PLAGL1: variants seen among roughly 807,000 people sequenced by gnomAD.
The protein encoded by PLAGL1 is zinc finger protein PLAGL1.
In PLAGL1, 1 loss-of-function variant was observed where a neutral mutation model predicts 4.6. The ratio of observed to expected loss-of-function variants is 0.22; its 90% CI spans 0.08 to 1.03. PLAGL1 has a LOEUF of 1.03. Ranked by LOEUF, PLAGL1 falls within the 50% of genes least tolerant of loss-of-function variation. The pLI is 0.58. For missense variants in PLAGL1, 464 were observed against 570.4 expected (o/e 0.81, Z 1.90); for synonymous variants, 240 against 237.8 (o/e 1.01, Z -0.08).
rs566819692 is a variant in PLAGL1 at position 144,056,656 on chromosome 6, CTTTGTT to C, written c.-151+7806_-151+7811del. On this transcript the variant is annotated intron_variant, in intron 1 of 3. Coordinates refer to the PLAGL1 transcript ENST00000437412. This position sits in a 1 kb window ranked among gnomAD's most constrained non-coding sequence, Gnocchi z 4.7. ...CATGTCCTTTCATGGCTTGATAGCTCTTTGTTTTTGTTTTTGTTTTTTTAAATTTAG... is the reference window on the plus strand; with the variant it reads ...CATGTCCTTTCATGGCTTGATAGCTCTTTGTTTTTGTTTTTTTAAATTTAG... Among the ~76,000 whole-genome samples the C allele has an allele frequency of 7.1e-3, 1,085 of 152,040 alleles. 8 individuals are homozygous for C. Among genetic ancestry groups the C allele is most frequent in the African/African-American group, 0.023 (974 of 41,460 alleles).
intron 2 of PLAGL1, among the ~76,000 whole-genome samples, chr6:143,974,567 G>A (rs1381795910): frequency 6.6e-6 from 1 of 152,152 alleles, no homozygotes; most frequent in Non-Finnish European, 1.5e-5. Context: ...ACTCTCAACT[G>A]CACAGGAAAG....
rs535325430 is a variant in PLAGL1, at chr6:143,975,230, A to G, written c.-543-6252T>C. 6.6e-6 allele frequency among the ~76,000 whole-genome samples: 1 copy of G among 152,326 alleles called. No homozygotes were observed. The highest frequency in any genetic ancestry group is 2.1e-4 in the South Asian group (1 of 4,826). ...TCACTGGAGTTCTCTCACCAAGGTT[A>G]TATTAAATAAGTCATCCTAGTTTTT... On this transcript the variant is annotated intron_variant, in intron 2 of 7. Coordinates refer to ENST00000674357, the MANE Select transcript of PLAGL1 (RefSeq NM_001317162.2). The surrounding 1 kb of genome is among the most constrained non-coding windows in gnomAD (Gnocchi z 5.8).
intron 2 of PLAGL1, among the ~76,000 whole-genome samples, chr6:143,969,922 A>G (rs1299316233): frequency 6.6e-6 from 1 of 152,226 alleles, no homozygotes; most frequent in Non-Finnish European, 1.5e-5. Context: ...GAAACTGGAC[A>G]GCAAATGATG....
chr6:143,964,069 C>T lies in PLAGL1; in HGVS notation c.-399+718G>A, dbSNP rs1783925608. Among the ~76,000 whole-genome samples the T allele has an allele frequency of 6.6e-6, 1 of 152,112 alleles. No homozygotes were observed. The highest frequency in any genetic ancestry group is 6.5e-5 in the Admixed American group (1 of 15,274). On this transcript the variant is annotated intron_variant, in intron 5 of 7. Transcript: ENST00000674357. This position sits in a 1 kb window ranked among gnomAD's most constrained non-coding sequence, Gnocchi z 4.3. ...AGCTGCCAAAATGACACTCTCCCTT[C>T]CATCCCCCCATGGCCAACCCCCCAT... is the stretch of plus-strand genomic sequence containing the variant.
chr6:144,002,974 A>G (rs1793242460), intron 1 of PLAGL1, among the ~76,000 whole-genome samples: 3 of 151,910 alleles, frequency 2.0e-5, no homozygotes, highest in Admixed American at 2.0e-4. Flanking sequence ...CATTTGTTTA[A>G]AAGAACAAAA....
intron 1 of PLAGL1, among the ~76,000 whole-genome samples, chr6:144,003,124 T>C (rs145088448): frequency 4.6e-5 from 7 of 152,272 alleles, no homozygotes; most frequent in African/African-American, 1.7e-4. Context: ...TGACCATTCA[T>C]TTATTAACAA....
chr6:144,044,618 T>A (rs1797985012), intron 1 of PLAGL1, among the ~76,000 whole-genome samples: 2 of 152,218 alleles, frequency 1.3e-5, no homozygotes, highest in Admixed American at 1.3e-4. Flanking sequence ...TTGGAATAAG[T>A]GCAATGTGGT....
chr6:144,045,954 T>G (rs756387697), intron 1 of PLAGL1, among the ~76,000 whole-genome samples: 25 of 152,212 alleles, frequency 1.6e-4, no homozygotes, highest in Non-Finnish European at 2.9e-4. Flanking sequence ...ACTGATACCC[T>G]TTCTTCCACT....
rs1554263920 is a variant in PLAGL1 at position 143,985,982 on chromosome 6, T to TATATATATATATATATATATATA, written c.-583-809_-583-808insTATATATATATATATATATATAT. ...TATATCAAATTATATATATATAAAA[T>TATATATATATATATATATATATA]TATATATATATATATATATATATAT... On this transcript the variant is annotated intron_variant, in intron 1 of 7. Coordinates refer to ENST00000674357, the MANE Select transcript of PLAGL1 (RefSeq NM_001317162.2). This position sits in a 1 kb window ranked among gnomAD's most constrained non-coding sequence, Gnocchi z 4.4. 7.2e-5 allele frequency among the ~76,000 whole-genome samples: 8 copies of TATATATATATATATATATATATA among 111,576 alleles called. No homozygotes were observed. Among genetic ancestry groups the TATATATATATATATATATATATA allele is most frequent in the Admixed American group, 9.1e-5 (1 of 11,010 alleles). The allele number at this position is 111,576 out of a possible 152,430, so 73.2% of individuals were successfully genotyped here.
intron 1 of PLAGL1, among the ~76,000 whole-genome samples, chr6:144,023,647 T>C (rs1253016069): frequency 6.6e-6 from 1 of 151,874 alleles, no homozygotes; most frequent in Non-Finnish European, 1.5e-5. Context: ...AGTAATTAGA[T>C]GGTAGGTGGT....
Position 143,964,702 on chromosome 6 carries a change from G to A in PLAGL1, c.-399+85C>T, listed in dbSNP as rs1190584694. 2.1e-5 allele frequency: 3 copies of A among 146,164 alleles called. No individual in the cohort carries two copies. Among genetic ancestry groups the A allele is most frequent in the Non-Finnish European group, 3.0e-5 (2 of 66,406 alleles). 9.1% of individuals were successfully genotyped at this position (146,164 alleles called of 1,614,324 possible). ...TAGGGTGGAGGGGCGGGGTGGCGGGGAGGGCAGCAGGCTTATGCTTTAAAC... is the reference window on the plus strand; with the variant it reads ...TAGGGTGGAGGGGCGGGGTGGCGGGAAGGGCAGCAGGCTTATGCTTTAAAC... On this transcript the variant is annotated intron_variant, in intron 5 of 7. Coordinates refer to ENST00000674357, the MANE Select transcript of PLAGL1 (RefSeq NM_001317162.2). This position sits in a 1 kb window ranked among gnomAD's most constrained non-coding sequence, Gnocchi z 4.3.
chr6:144,010,879 T>C (rs1216053457), upstream of PLAGL1, among the ~76,000 whole-genome samples: 1 of 152,250 alleles, frequency 6.6e-6, no homozygotes, highest in East Asian at 1.9e-4. This position sits in a 1 kb window ranked among gnomAD's most constrained non-coding sequence, Gnocchi z 4.1. Flanking sequence ...TAATAAATGG[T>C]GTTGGGAAAA....
At chr6:144,032,117 T>C (rs1035337416) in intron 1 of PLAGL1, among the ~76,000 whole-genome samples, 3 of 147,242 alleles carry the variant, frequency 2.0e-5, no homozygotes, top group Non-Finnish European at 4.5e-5. Flanking sequence ...CTATAACTTA[T>C]TGCATTTTTT....
intron 1 of PLAGL1, among the ~76,000 whole-genome samples, chr6:144,024,391 A>G (rs1359169277): frequency 6.6e-6 from 1 of 152,188 alleles, no homozygotes; most frequent in Non-Finnish European, 1.5e-5. Context: ...ATGTGTCAAG[A>G]GCAGGGACAG....
chr6:144,038,547 C>T (rs1797455592), intron 1 of PLAGL1, among the ~76,000 whole-genome samples: 1 of 152,132 alleles, frequency 6.6e-6, no homozygotes, highest in Non-Finnish European at 1.5e-5. Flanking sequence ...CAGTAGATTT[C>T]TGACAAGGAT....
At chr6:144,049,897 T>C (rs1319355591) in intron 1 of PLAGL1, among the ~76,000 whole-genome samples, 2 of 152,030 alleles carry the variant, frequency 1.3e-5, no homozygotes, top group African/African-American at 2.4e-5. Flanking sequence ...CTTCTGATCA[T>C]GAGGGAGAGG....
chr6:144,021,154 G>C (rs1795949751), intron 1 of PLAGL1, among the ~76,000 whole-genome samples: 1 of 151,926 alleles, frequency 6.6e-6, no homozygotes, highest in South Asian at 2.1e-4. Context: ...CACAGAAACA[G>C]AACTAAACGG....
In PLAGL1 at chr6:144,015,285, G is replaced by A. The variant is rs1178113274; in HGVS notation, c.-150-46307C>T. Among the ~76,000 whole-genome samples, 1 of 152,026 alleles carries A rather than the reference G, an allele frequency of 6.6e-6. No homozygotes were observed. Among genetic ancestry groups the A allele is most frequent in the Non-Finnish European group, 1.5e-5 (1 of 68,014 alleles). On this transcript the variant is annotated intron_variant, in intron 1 of 3. Transcript: ENST00000437412. This position sits in a 1 kb window ranked among gnomAD's most constrained non-coding sequence, Gnocchi z 4.3. The stretch of plus-strand genomic sequence containing the variant: ...AAGTAACTTAAACTATTTTTAAAAC[G>A]TGGCTACTGGAACATTTTAAATTAC...
intron 1 of PLAGL1, among the ~76,000 whole-genome samples, chr6:144,062,483 A>C (rs938657291): frequency 1.5e-4 from 23 of 151,126 alleles, no homozygotes; most frequent in African/African-American, 3.6e-4. Flanking sequence ...AAAAAAAAAA[A>C]AAAAAAAAAA....
Sources: allele counts gnomAD v4.1 joint callset (sites outside exome capture counted in the v4.1 genomes callset), GRCh38; gene constraint gnomAD v4.1.1; non-coding constraint Gnocchi (gnomAD v3.1); transcripts MANE v1.5; gene names NCBI Gene and HGNC (gene_info 2026-07-23, HGNC 2026-07-21).